LIPJ: variants seen among roughly 807,000 people sequenced by gnomAD.
The protein encoded by LIPJ is lipase family member J.
LIPJ carries 33 observed loss-of-function variants against 39.8 expected under a neutral mutation model. That is an observed-to-expected ratio of 0.83 (90% CI 0.63 to 1.11). The LOEUF is 1.11. LIPJ is among the 50% of genes least tolerant of loss of function. The probability of loss-of-function intolerance (pLI) is 0.00; values close to 1 mark genes in which losing one functional copy is unlikely to be tolerated. For synonymous variants in LIPJ, 128 were observed against 139.2 expected (o/e 0.92, Z 0.57); for missense variants, 422 against 427.9 (o/e 0.99, Z 0.12).
chr10:88,592,145 A>G (rs1251287842), intron 4 of LIPJ: 1 of 151,966 alleles, frequency 6.6e-6, no homozygotes, highest in Admixed American at 6.6e-5. Flanking sequence ...TGTGAAACAA[A>G]TAGAATGTTT....
At chr10:88,600,132 A>T (rs1005180745) in intron 8 of LIPJ, among the ~76,000 whole-genome samples, 15 of 152,110 alleles carry the variant, frequency 9.9e-5, no homozygotes, top group Non-Finnish European at 1.5e-5. Flanking sequence ...GTTTATATCC[A>T]CATCCTAAAT....
At position 88,591,357 on chromosome 10, in the gene LIPJ, AT is replaced by A. The variant is rs1851073451; in HGVS notation, c.10-18del. The A allele has an allele frequency of 2.5e-6, 4 of 1,569,412 alleles. No homozygotes were observed. Among genetic ancestry groups the A allele is most frequent in the Non-Finnish European group, 3.5e-6 (4 of 1,159,378 alleles). ...TTGGATAACAATTTTATGCTAAAAGATTTGCTTTTTCTTTATCTAGAGCCAG... is the reference window on the plus strand; with the variant it reads ...TTGGATAACAATTTTATGCTAAAAGATTGCTTTTTCTTTATCTAGAGCCAG... On this transcript the variant is annotated intron_variant, in intron 3 of 10. Coordinates refer to ENST00000371939, the Ensembl canonical transcript of LIPJ.
At chr10:88,590,968 A>G (rs922787742) in intron 3 of LIPJ, among the ~76,000 whole-genome samples, 2 of 151,828 alleles carry the variant, frequency 1.3e-5, no homozygotes, top group African/African-American at 4.8e-5. Context: ...CTACATATTT[A>G]TAAATATACA....
At chr10:88,611,846 G>A (rs4262634), downstream of LIPJ, among the ~76,000 whole-genome samples, 1,112 of 152,286 alleles carry the variant, frequency 7.3e-3, 28 homozygotes, top group South Asian at 0.083. Context: ...ACATATTTGG[G>A]GGAATAATCA....
At chr10:88,600,982 T>C (rs1202655747) in intron 8 of LIPJ, among the ~76,000 whole-genome samples, 1 of 152,188 alleles carries the variant, frequency 6.6e-6, no homozygotes, top group Non-Finnish European at 1.5e-5. Flanking sequence ...AGAGTTTTGC[T>C]GTGTCAGCCA....
intron 8 of LIPJ, among the ~76,000 whole-genome samples, chr10:88,598,502 C>A (rs1252343190): frequency 6.6e-6 from 1 of 151,996 alleles, no homozygotes; most frequent in East Asian, 1.9e-4. Flanking sequence ...GAAATTCTAA[C>A]TCTTATGAGG....
chr10:88,596,373 G>T, exon 7 of LIPJ: 1 of 1,556,526 alleles, frequency 6.4e-7, no homozygotes, highest in South Asian at 1.3e-5. Flanking sequence ...TACTTAAAAA[G>T]TCCTTTAATT....
exon 7 of LIPJ, chr10:88,596,405 T>C: frequency 6.5e-7 from 1 of 1,535,756 alleles, no homozygotes; most frequent in Non-Finnish European, 8.7e-7. Flanking sequence ...CAAATGGAAG[T>C]CAATAGTCAT....
intron 8 of LIPJ, among the ~76,000 whole-genome samples, chr10:88,598,730 G>T (rs1281559045): frequency 6.6e-6 from 1 of 151,704 alleles, no homozygotes; most frequent in African/African-American, 2.4e-5. Context: ...TGCGATTTGG[G>T]TTGTATAAGC....
At chr10:88,591,574 T>C (rs1851081430) in intron 4 of LIPJ, 76 bp downstream of exon 4, 7 of 1,284,446 alleles carry the variant, frequency 5.4e-6, no homozygotes, top group African/African-American at 3.0e-5. Flanking sequence ...ACGGAGAACA[T>C]AGGACAAGAA....
chr10:88,614,100 A>G, the LIPJ span, among the ~76,000 whole-genome samples: 3 of 151,782 alleles, frequency 2.0e-5, no homozygotes, highest in South Asian at 6.2e-4. Context: ...GGGAGAGAAA[A>G]GCATGAGGTA....
intron 8 of LIPJ, among the ~76,000 whole-genome samples, chr10:88,602,200 TG>T (rs1329563399): frequency 6.6e-6 from 1 of 152,154 alleles, no homozygotes; most frequent in Non-Finnish European, 1.5e-5. Context: ...TTTCTTTGCT[TG>T]TCTTTGGGGG....
intron 10 of LIPJ, 144 bp downstream of exon 10, chr10:88,605,848 C>T (rs1186630473): frequency 5.0e-6 from 3 of 594,496 alleles, no homozygotes; most frequent in East Asian, 5.7e-5. Flanking sequence ...TATTTGGATA[C>T]GTATTGTCAC....
chr10:88,601,914 C>T (rs1457262565), intron 8 of LIPJ, among the ~76,000 whole-genome samples: 2 of 152,066 alleles, frequency 1.3e-5, no homozygotes, highest in African/African-American at 4.8e-5. Context: ...TTTCAAGGCA[C>T]CTGAGGTCAC....
upstream of LIPJ, among the ~76,000 whole-genome samples, chr10:88,585,343 C>G (rs1454832825): frequency 6.6e-6 from 1 of 152,176 alleles, no homozygotes; most frequent in East Asian, 1.9e-4. Context: ...AGACTTGAAA[C>G]TTCATAATTA....
chr10:88,599,545 G>A (rs1248747928), intron 8 of LIPJ, among the ~76,000 whole-genome samples: 3 of 151,588 alleles, frequency 2.0e-5, no homozygotes, highest in Non-Finnish European at 2.9e-5. Flanking sequence ...TTCTCTATTT[G>A]GCTTATTTAA....
upstream of LIPJ, chr10:88,584,582 A>G (rs1850842406): frequency 6.6e-6 from 1 of 152,090 alleles, no homozygotes; most frequent in Non-Finnish European, 1.5e-5. Flanking sequence ...ATGAGGTACT[A>G]TTTTTCATTT....
At position 88,591,470 on chromosome 10, in the gene LIPJ, T is replaced by A; in HGVS notation, c.102T>A (p.Tyr34Ter). The A allele has an allele frequency of 1.2e-6, 2 of 1,601,764 alleles. No individual in the cohort carries two copies. The highest frequency in any genetic ancestry group is 1.7e-6 in the Non-Finnish European group (2 of 1,172,800). ...TCCTTGGCCTTTATAGAATTCCTTATTGGAGGACAGACAATAATAAAAATC... is the reference window on the plus strand; with the variant it reads ...TCCTTGGCCTTTATAGAATTCCTTAATGGAGGACAGACAATAATAAAAATC... The change falls in exon 4 of 11, where the codon TAT (tyrosine) becomes TAA (stop). Residue 34 changes from tyrosine (Y) to a stop codon, truncating the protein, a stop_gained. Coordinates refer to ENST00000371939, the Ensembl canonical transcript of LIPJ. LOFTEE classifies it high-confidence loss of function.
upstream of LIPJ, chr10:88,583,747 G>T: frequency 1.0e-6 from 1 of 982,890 alleles, no homozygotes; most frequent in Non-Finnish European, 1.2e-6. Context: ...CTGGGACTTT[G>T]TGTAACCTTC....
Sources: allele counts gnomAD v4.1 joint callset (sites outside exome capture counted in the v4.1 genomes callset), GRCh38; gene constraint gnomAD v4.1.1; transcripts MANE v1.5; gene names NCBI Gene and HGNC (gene_info 2026-07-23, HGNC 2026-07-21).